Variants in SRGAP1 observed in about 807,000 individuals in gnomAD.
SRGAP1 encodes SLIT-ROBO Rho GTPase-activating protein 1.
A neutral mutation model predicts 121.9 loss-of-function variants in SRGAP1; 43 were observed. That is an observed-to-expected ratio of 0.35 (90% CI 0.28 to 0.46). SRGAP1 has a LOEUF of 0.46. Among genes scored for constraint, SRGAP1 ranks in the 20% least tolerant of loss-of-function variants. The probability of loss-of-function intolerance (pLI) is 1.00; values close to 1 mark genes in which losing one functional copy is unlikely to be tolerated. For missense variants in SRGAP1, 1,102 were observed against 1,350.9 expected (o/e 0.82, Z 2.89); for synonymous variants, 447 against 485.4 (o/e 0.92, Z 1.04).
At chr12:64,035,424 T>C (rs1050406779) in intron 4 of SRGAP1, among the ~76,000 whole-genome samples, 2 of 152,192 alleles carry the variant, frequency 1.3e-5, no homozygotes, top group African/African-American at 4.8e-5. Flanking sequence ...GGAGAGATTA[T>C]GTCTTTCATC....
At chr12:64,124,646 A>G (rs903028556) in intron 18 of SRGAP1, among the ~76,000 whole-genome samples, 1 of 152,356 alleles carries the variant, frequency 6.6e-6, no homozygotes, top group East Asian at 1.9e-4. Context: ...AGCTTCTTGC[A>G]GTAAGATAAA....
chr12:64,053,573 A>C (rs1322136416), intron 6 of SRGAP1, among the ~76,000 whole-genome samples: 1 of 152,228 alleles, frequency 6.6e-6, no homozygotes, highest in Admixed American at 6.5e-5. Context: ...TTCACAACAA[A>C]TAAGGACTTT....
intron 1 of SRGAP1, among the ~76,000 whole-genome samples, chr12:63,899,863 A>G (rs1203070399): frequency 6.6e-6 from 1 of 152,180 alleles, no homozygotes; most frequent in Non-Finnish European, 1.5e-5. Context: ...CTATGAAGTG[A>G]CTCCTTATAT....
intron 20 of SRGAP1, 31 bp downstream of exon 20, chr12:64,127,755 G>GCCT (rs763367053): frequency 2.5e-6 from 4 of 1,611,664 alleles, no homozygotes; most frequent in Non-Finnish European, 3.4e-6. Context: ...AGGCCCCTAA[G>GCCT]CCTCCGCTCC....
chr12:63,913,993 T>C (rs1174111843), intron 1 of SRGAP1, among the ~76,000 whole-genome samples: 1 of 152,154 alleles, frequency 6.6e-6, no homozygotes, highest in Non-Finnish European at 1.5e-5. Flanking sequence ...TTATCTGTCC[T>C]CTGTGCTAGG....
At chr12:63,860,813 T>C (rs1190148307) in intron 1 of SRGAP1, among the ~76,000 whole-genome samples, 1 of 147,332 alleles carries the variant, frequency 6.8e-6, no homozygotes, top group African/African-American at 2.6e-5. Context: ...TCTTCATTTC[T>C]CTCTTTCTTG....
At chr12:64,087,609 G>A (rs868002087) in intron 11 of SRGAP1, among the ~76,000 whole-genome samples, 17 of 152,082 alleles carry the variant, frequency 1.1e-4, no homozygotes, top group East Asian at 1.9e-4. Context: ...GGTGGTGTGC[G>A]CCTGTAATCC....
intron 17 of SRGAP1, among the ~76,000 whole-genome samples, chr12:64,115,432 AT>A (rs1229787224): frequency 6.6e-6 from 1 of 152,132 alleles, no homozygotes; most frequent in Non-Finnish European, 1.5e-5. Context: ...ATAGAGTCTT[AT>A]AGTTTTCATT....
At chr12:63,995,698 C>T (rs2033678479) in intron 3 of SRGAP1, among the ~76,000 whole-genome samples, 1 of 152,134 alleles carries the variant, frequency 6.6e-6, no homozygotes, top group African/African-American at 2.4e-5. Context: ...AATAACCCCT[C>T]TTTGGCATAA....
chr12:63,861,305 T>TC (rs199696282), intron 1 of SRGAP1, among the ~76,000 whole-genome samples: 3 of 145,224 alleles, frequency 2.1e-5, no homozygotes, highest in Non-Finnish European at 3.0e-5. Context: ...TATATATATT[T>TC]TTTTTTTTTT....
chr12:64,024,160 G>A (rs1033810247), intron 4 of SRGAP1, among the ~76,000 whole-genome samples: 4 of 152,182 alleles, frequency 2.6e-5, no homozygotes, highest in African/African-American at 9.7e-5. Flanking sequence ...AGCCGGGTGT[G>A]GTGATTCACG....
At chr12:64,017,769 A>T (rs1256590800) in intron 4 of SRGAP1, among the ~76,000 whole-genome samples, 2 of 151,852 alleles carry the variant, frequency 1.3e-5, no homozygotes, top group Non-Finnish European at 2.9e-5. Flanking sequence ...TTAATGACAT[A>T]TTAAAACTAC....
chr12:64,050,324 T>A (rs2035214654), intron 6 of SRGAP1, among the ~76,000 whole-genome samples: 1 of 152,208 alleles, frequency 6.6e-6, no homozygotes, highest in Non-Finnish European at 1.5e-5. Context: ...TAAACAAGGA[T>A]AATTTGACTT....
chr12:64,062,559 C>G (rs1161463746), intron 6 of SRGAP1, among the ~76,000 whole-genome samples: 1 of 151,606 alleles, frequency 6.6e-6, no homozygotes, highest in Non-Finnish European at 1.5e-5. Context: ...CTCTGTAGCC[C>G]AAGCTGGAGT....
intron 1 of SRGAP1, among the ~76,000 whole-genome samples, chr12:63,846,878 A>G (rs1405586606): frequency 2.0e-5 from 3 of 152,236 alleles, no homozygotes; most frequent in East Asian, 3.8e-4. Flanking sequence ...TGGTACTTCT[A>G]GGCAAATCAA....
chr12:63,911,230 C>T (rs1396096488), intron 1 of SRGAP1, among the ~76,000 whole-genome samples: 1 of 145,376 alleles, frequency 6.9e-6, no homozygotes, highest in East Asian at 2.1e-4. Context: ...ACCCAGGAGG[C>T]GGAGCTTGCA....
intron 1 of SRGAP1, among the ~76,000 whole-genome samples, chr12:63,944,554 T>A (rs1162941716): frequency 6.6e-6 from 1 of 152,158 alleles, no homozygotes; most frequent in East Asian, 1.9e-4. Flanking sequence ...TCATTCAGTC[T>A]CTATCAGCTT....
intron 3 of SRGAP1, among the ~76,000 whole-genome samples, chr12:64,016,228 C>T (rs1419105727): frequency 2.6e-5 from 4 of 152,130 alleles, no homozygotes; most frequent in South Asian, 4.2e-4. Context: ...GGCAGATTAC[C>T]GAGTTTGAGA....
At chr12:63,874,019 C>T (rs377607909) in intron 1 of SRGAP1, among the ~76,000 whole-genome samples, 7 of 149,716 alleles carry the variant, frequency 4.7e-5, no homozygotes, top group African/African-American at 1.7e-4. Context: ...GGTGACTGAG[C>T]GAGACTCTGT....
Sources: gnomAD v4.1 joint callset for allele counts (sites outside exome capture counted in the v4.1 genomes callset) on GRCh38, gnomAD v4.1.1 for gene constraint, MANE v1.5 for transcripts, NCBI Gene and HGNC (gene_info 2026-07-23, HGNC 2026-07-21) for gene names.